Variants in ABCB11 observed in about 807,000 individuals in gnomAD.
The protein encoded by ABCB11 is ATP binding cassette subfamily B member 11.
In ABCB11, 95 loss-of-function variants were observed where a neutral mutation model predicts 148.0. That is an observed-to-expected ratio of 0.64 (90% CI 0.54 to 0.76). ABCB11 has a LOEUF of 0.76. ABCB11 is among the 30% of genes least tolerant of loss of function. The pLI is 0.00. For missense variants in ABCB11, 1,523 were observed against 1,617.8 expected (o/e 0.94, Z 1.01); for synonymous variants, 591 against 555.4 (o/e 1.06, Z -0.90).
At chr2:168,934,602 CA>C (rs1691733556) in intron 23 of ABCB11, among the ~76,000 whole-genome samples, 1 of 152,182 alleles carries the variant, frequency 6.6e-6, no homozygotes, top group Admixed American at 6.5e-5. Flanking sequence ...GCCCTCTTTG[CA>C]AGAGAGGAGT....
intron 19 of ABCB11, among the ~76,000 whole-genome samples, chr2:168,950,487 TA>T (rs1323371490): frequency 6.6e-6 from 1 of 151,752 alleles, no homozygotes; most frequent in Non-Finnish European, 1.5e-5. Flanking sequence ...CTGACTGTTG[TA>T]AAATGGTATC....
chr2:168,939,215 A>C (rs1210435542), intron 21 of ABCB11, among the ~76,000 whole-genome samples: 1 of 152,048 alleles, frequency 6.6e-6, no homozygotes, highest in African/African-American at 2.4e-5. Flanking sequence ...ATTCTGTTCA[A>C]AGAGTATATA....
chr2:168,944,182 C>A (rs1488452814), intron 21 of ABCB11, among the ~76,000 whole-genome samples: 1 of 151,956 alleles, frequency 6.6e-6, no homozygotes, highest in East Asian at 1.9e-4. Flanking sequence ...CTGGGCTCCT[C>A]CAGAGGCTGC....
In ABCB11 at chr2:168,976,672, A is replaced by C; in HGVS notation, c.1213T>G (p.Cys405Gly). The C allele has an allele frequency of 6.2e-6, 10 of 1,609,980 alleles. No individual in the cohort carries two copies. Among genetic ancestry groups the C allele is most frequent in the Non-Finnish European group, 8.5e-6 (10 of 1,176,736 alleles). ...AACTTGTAACCATCTTCTGACATGCAGTCAATGATGGGTTTCTGGAGTGAA... is the reference window on the plus strand; with the variant it reads ...AACTTGTAACCATCTTCTGACATGCCGTCAATGATGGGTTTCTGGAGTGAA... ...ETIDRKPIIDCMSEDGYKLDR... is the reference protein window; with the variant it reads ...ETIDRKPIIDGMSEDGYKLDR... The change falls in exon 12 of 28, where the codon TGC becomes GGC. Residue 405 changes from cysteine (C) to glycine (G), a missense_variant. Transcript: ENST00000650372.
Position 168,921,492 on chromosome 2 carries a change from G to A in ABCB11, c.*2130C>T, listed in dbSNP as rs1395570193. On this transcript the variant is annotated 3_prime_UTR_variant, in exon 28 of 28. Transcript: ENST00000650372. The stretch of plus-strand genomic sequence containing the variant: ...ATTTCTGTGACAAGAGCTCTTTTTT[G>A]TATGTTCACTTTTATTGATTCCTGT... 2.6e-5 allele frequency among the ~76,000 whole-genome samples: 4 copies of A among 152,064 alleles called. No individual in the cohort carries two copies. Among genetic ancestry groups the A allele is most frequent in the Non-Finnish European group, 5.9e-5 (4 of 68,006 alleles).
At chr2:169,012,447 T>A (rs547890850) in intron 5 of ABCB11, among the ~76,000 whole-genome samples, 2 of 152,144 alleles carry the variant, frequency 1.3e-5, no homozygotes, top group Admixed American at 1.3e-4. Flanking sequence ...TTCTGCGTGG[T>A]TGCCTCTGAT....
In ABCB11 at chr2:168,927,183, C is replaced by T; in HGVS notation, c.3591G>A (p.Leu1197=). 6.2e-7 allele frequency: 1 copy of T among 1,613,840 alleles called. No homozygotes were observed. The highest frequency in any genetic ancestry group is 8.5e-7 in the Non-Finnish European group (1 of 1,179,784). The change falls in exon 26 of 28, where the codon CTG becomes CTA. Residue 1197 remains leucine (L), a synonymous_variant. Coordinates refer to ENST00000650372, the MANE Select transcript of ABCB11 (RefSeq NM_003742.4). The stretch of plus-strand genomic sequence containing the variant: ...CTGGGAGTGACATGACAAAATCATG[C>T]AGCTGAGCCTGTTTTGCAGCTGCTA... The part of the protein sequence containing the change: ...RVIAAAKQAQ[L]HDFVMSLPEK...
chr2:168,933,507 T>C (rs1691674984), intron 23 of ABCB11, among the ~76,000 whole-genome samples: 1 of 152,212 alleles, frequency 6.6e-6, no homozygotes, highest in East Asian at 1.9e-4. Context: ...ACCTGCACTG[T>C]CATGCACAGA....
At position 168,950,136 on chromosome 2, in the gene ABCB11, T is replaced by C. The variant is rs1221209466; in HGVS notation, c.2344-5175A>G. On this transcript the variant is annotated intron_variant, in intron 19 of 27. Coordinates refer to ENST00000650372, the MANE Select transcript of ABCB11 (RefSeq NM_003742.4). ...ATATATCCTATTACTCCCATATATATATATACACACACACACACACACACA... is the reference window on the plus strand; with the variant it reads ...ATATATCCTATTACTCCCATATATACATATACACACACACACACACACACA... Among the ~76,000 whole-genome samples the C allele has an allele frequency of 3.5e-3, 351 of 99,282 alleles. 1 individual carries two copies. Among genetic ancestry groups the C allele is most frequent in the Middle Eastern group, 0.011 (2 of 190 alleles). 65.1% of individuals were successfully genotyped at this position (99,282 alleles called of 152,430 possible).
rs775401560 is a variant in ABCB11 at position 168,996,644 on chromosome 2, T to C, written c.468A>G (p.Gly156=). ...CGGAGGAGCTACTAACTTGAATATA[T>C]CCTGTGATAAGTACTGCGACAGCAA... ...AGIAVAVLIT[G]YIQICFWVIA... The change falls in exon 6 of 28, where the codon GGA becomes GGG. Residue 156 remains glycine, a synonymous_variant. Transcript: ENST00000650372. The C allele has an allele frequency of 2.0e-6, 3 of 1,529,022 alleles. No individual in the cohort carries two copies. Among genetic ancestry groups the C allele is most frequent in the African/African-American group, 2.8e-5 (2 of 72,274 alleles). 94.7% of individuals were successfully genotyped at this position (1,529,022 alleles called of 1,614,324 possible).
At chr2:168,994,585 C>T (rs985121607) in intron 7 of ABCB11, among the ~76,000 whole-genome samples, 1 of 152,056 alleles carries the variant, frequency 6.6e-6, no homozygotes, top group African/African-American at 2.4e-5. Flanking sequence ...CAGCGCCTAT[C>T]ATATAATAAA....
At position 168,958,534 on chromosome 2, in the gene ABCB11, T is replaced by C. The variant is rs1032661686; in HGVS notation, c.2179-406A>G. Among the ~76,000 whole-genome samples, 5 of 151,744 alleles carry C rather than the reference T, an allele frequency of 3.3e-5. No individual in the cohort carries two copies. In the East Asian group the frequency reaches 5.8e-4, roughly 18 times the overall value. ...TAAAATAAATGTCAAGGTTCTATAA[T>C]ATAGTAACTGGCTAAAGCTGTAAGG... On this transcript the variant is annotated intron_variant, in intron 18 of 27. Coordinates refer to ENST00000650372, the MANE Select transcript of ABCB11 (RefSeq NM_003742.4).
rs183255445 is a variant in ABCB11, at chr2:169,015,081, C to T, written c.99-727G>A. On this transcript the variant is annotated intron_variant, in intron 3 of 27. Coordinates refer to ENST00000650372, the MANE Select transcript of ABCB11 (RefSeq NM_003742.4). The stretch of plus-strand genomic sequence containing the variant: ...ATTTGTCAACCTCACTTGAGCCATG[C>T]AGTCCTTTAAATCCTTCATTTCCTT... 4.6e-5 allele frequency among the ~76,000 whole-genome samples: 7 copies of T among 152,264 alleles called. No homozygotes were observed. In the East Asian group the frequency reaches 1.3e-3, roughly 29 times the overall value.
intron 21 of ABCB11, among the ~76,000 whole-genome samples, chr2:168,939,255 C>T (rs995280012): frequency 6.6e-6 from 1 of 152,010 alleles, no homozygotes; most frequent in African/African-American, 2.4e-5. Context: ...TTCTGGTTGG[C>T]AAGGACTGTC....
intron 19 of ABCB11, among the ~76,000 whole-genome samples, chr2:168,954,364 G>C (rs1043005505): frequency 1.3e-5 from 2 of 151,312 alleles, no homozygotes; most frequent in African/African-American, 4.8e-5. Context: ...ATGACCTTTT[G>C]TTTCCATGTT....
chr2:168,931,385 T>C (rs1374171056), intron 24 of ABCB11, among the ~76,000 whole-genome samples: 2 of 152,206 alleles, frequency 1.3e-5, no homozygotes, highest in Admixed American at 1.3e-4. Context: ...AAACTTTACA[T>C]TTACTGAACT....
intron 7 of ABCB11, among the ~76,000 whole-genome samples, chr2:168,994,461 C>T (rs1331171183): frequency 6.6e-6 from 1 of 152,086 alleles, no homozygotes; most frequent in Non-Finnish European, 1.5e-5. Flanking sequence ...GGGCAAGTTA[C>T]TTAACCTTTT....
At chr2:168,965,139 C>A (rs4148793) in intron 17 of ABCB11, among the ~76,000 whole-genome samples, 74,326 of 151,252 alleles carry the variant, frequency 0.49, 18,792 homozygotes, top group Non-Finnish European at 0.57. Flanking sequence ...GATGAGATGG[C>A]TAAGGTAGGA....
chr2:168,922,040 G>T lies in ABCB11; in HGVS notation c.*1582C>A, dbSNP rs955872835. Among the ~76,000 whole-genome samples, 2 of 151,708 alleles carry T rather than the reference G, an allele frequency of 1.3e-5. No homozygotes were observed. The highest frequency in any genetic ancestry group is 6.6e-5 in the Admixed American group (1 of 15,238). ...ATTTTTTTGTATTTTTAGTAGAGAC[G>T]GGGTTTCACCATGTTAGCCAGGATG... On this transcript the variant is annotated 3_prime_UTR_variant, in exon 28 of 28. Coordinates refer to ENST00000650372, the MANE Select transcript of ABCB11 (RefSeq NM_003742.4).
Sources: allele counts gnomAD v4.1 joint callset (sites outside exome capture counted in the v4.1 genomes callset), GRCh38; gene constraint gnomAD v4.1.1; transcripts MANE v1.5; gene names NCBI Gene and HGNC (gene_info 2026-07-23, HGNC 2026-07-21).